Variants in PAQR8 observed in about 807,000 individuals in gnomAD.
PAQR8 encodes the protein membrane progestin receptor beta.
In PAQR8, 17 loss-of-function variants were observed where a neutral mutation model predicts 25.2. The ratio of observed to expected loss-of-function variants is 0.67; its 90% CI spans 0.46 to 1.01. PAQR8 has a LOEUF of 1.01. Ranked by LOEUF, PAQR8 falls within the 50% of genes least tolerant of loss-of-function variation. The pLI is 0.00. For missense variants in PAQR8, 392 were observed against 448.4 expected, an observed-to-expected ratio of 0.87 and a Z score of 1.14; for synonymous variants, 204 against 190.6, an observed-to-expected ratio of 1.07 and a Z score of -0.58.
chr6:52,377,802 A>G (rs894525522), intron 1 of PAQR8, among the ~76,000 whole-genome samples: 2 of 150,378 alleles, frequency 1.3e-5, no homozygotes, highest in Non-Finnish European at 1.5e-5. Context: ...TAGGCTTACC[A>G]TAGACACAGT....
At chr6:52,384,863 G>C (rs973724757) in intron 1 of PAQR8, among the ~76,000 whole-genome samples, 1 of 152,096 alleles carries the variant, frequency 6.6e-6, no homozygotes, top group Non-Finnish European at 1.5e-5. Flanking sequence ...AAAGCTGCAC[G>C]CCTACAATCA....
In PAQR8 at chr6:52,382,577, ATGTT is replaced by A. The variant is rs151180659; in HGVS notation, c.-53+20329_-53+20332del. Among the ~76,000 whole-genome samples, 481 of 152,080 alleles carry A rather than the reference ATGTT, an allele frequency of 3.2e-3. 19 individuals are homozygous for A. In the East Asian group the frequency reaches 0.082, roughly 26 times the overall value. On this transcript the variant is annotated intron_variant, in intron 1 of 1. Coordinates refer to ENST00000442253, the MANE Select transcript of PAQR8 (RefSeq NM_133367.5). Reference sequence around the variant, plus strand: ...CAAACGTAGATTAAATGAAAGAAGAATGTTAGGTACAAAATTTGTATCAAGGTTA... The same window carrying A: ...CAAACGTAGATTAAATGAAAGAAGAAAGGTACAAAATTTGTATCAAGGTTA...
intron 1 of PAQR8, among the ~76,000 whole-genome samples, chr6:52,370,226 G>A (rs1581788418): frequency 1.3e-5 from 2 of 152,092 alleles, no homozygotes; most frequent in Non-Finnish European, 1.5e-5. Flanking sequence ...TTAGATTTTT[G>A]TAGGTCTCAA....
intron 1 of PAQR8, among the ~76,000 whole-genome samples, chr6:52,366,836 A>G (rs957111108): frequency 2.0e-5 from 3 of 151,714 alleles, no homozygotes; most frequent in African/African-American, 7.3e-5. Flanking sequence ...TGCAACCTCC[A>G]TCTCCTGGGT....
intron 1 of PAQR8, among the ~76,000 whole-genome samples, chr6:52,380,774 T>C (rs1174137464): frequency 6.6e-6 from 1 of 152,232 alleles, no homozygotes; most frequent in Non-Finnish European, 1.5e-5. Context: ...TGATGGATCA[T>C]ATGGCATGGA....
intron 1 of PAQR8, among the ~76,000 whole-genome samples, chr6:52,367,803 G>A (rs760297887): frequency 3.9e-5 from 6 of 152,210 alleles, no homozygotes; most frequent in Non-Finnish European, 7.3e-5. Flanking sequence ...AGCCAGGCCA[G>A]GAAGCTCCTT....
At chr6:52,390,160 C>G (rs1176071033) in intron 1 of PAQR8, among the ~76,000 whole-genome samples, 1 of 152,216 alleles carries the variant, frequency 6.6e-6, no homozygotes, top group Non-Finnish European at 1.5e-5. Context: ...CCTCTGACTT[C>G]TCCCACTCGA....
intron 1 of PAQR8, among the ~76,000 whole-genome samples, chr6:52,399,569 G>A (rs965488308): frequency 6.6e-6 from 1 of 152,174 alleles, no homozygotes; most frequent in Admixed American, 6.5e-5. Flanking sequence ...TGCAGGAATC[G>A]TCTGATTGGT....
rs1581800861 is a variant in PAQR8 at position 52,406,281 on chromosome 6, TGGAA to T, written c.*2007_*2010del. ...GGATTCAAAGACTTATTTTGAAAGT[TGGAA>T]GGAGAAGGGAGGGAAGAGAGCAGAA... On this transcript the variant is annotated 3_prime_UTR_variant, in exon 2 of 2. Transcript: ENST00000442253. 4.9e-6 allele frequency: 2 copies of T among 405,246 alleles called. No homozygotes were observed. Among genetic ancestry groups the T allele is most frequent in the African/African-American group, 2.1e-5 (1 of 48,464 alleles). The allele number at this position is 405,246 out of a possible 1,614,324, so 25.1% of individuals were successfully genotyped here. A position where few individuals can be genotyped will look rare whatever the true frequency, so the allele number is the denominator to read the frequency against.
chr6:52,378,759 C>T (rs549835991), intron 1 of PAQR8, among the ~76,000 whole-genome samples: 1 of 150,844 alleles, frequency 6.6e-6, no homozygotes, highest in South Asian at 2.1e-4. Flanking sequence ...CCTCTGCACT[C>T]CAGCCTGGGC....
chr6:52,401,872 TATG>T (rs1285354623), intron 1 of PAQR8, among the ~76,000 whole-genome samples: 1 of 152,236 alleles, frequency 6.6e-6, no homozygotes, highest in Non-Finnish European at 1.5e-5. Context: ...TATACTTCAA[TATG>T]ATATTTCATG....
chr6:52,376,690 G>A (rs554837243), intron 1 of PAQR8, among the ~76,000 whole-genome samples: 8 of 152,244 alleles, frequency 5.3e-5, no homozygotes, highest in South Asian at 4.1e-4. Flanking sequence ...CTAGTGATGC[G>A]TATGTAAAAA....
chr6:52,372,058 G>A (rs943198949), intron 1 of PAQR8, among the ~76,000 whole-genome samples: 2 of 152,222 alleles, frequency 1.3e-5, no homozygotes, highest in African/African-American at 4.8e-5. Flanking sequence ...GGCTGGCTCT[G>A]AATTGATGTA....
At chr6:52,393,996 A>C (rs1485254358) in intron 1 of PAQR8, among the ~76,000 whole-genome samples, 1 of 152,200 alleles carries the variant, frequency 6.6e-6, no homozygotes, top group Non-Finnish European at 1.5e-5. Flanking sequence ...ACTGGAACAC[A>C]AAGTGTCAGA....
chr6:52,371,471 A>G (rs1471929516), intron 1 of PAQR8, among the ~76,000 whole-genome samples: 6 of 152,344 alleles, frequency 3.9e-5, no homozygotes, highest in East Asian at 3.9e-4. Context: ...CATGAATTGC[A>G]TAGGAGAGGA....
chr6:52,395,505 G>A (rs1204053143), intron 1 of PAQR8, among the ~76,000 whole-genome samples: 3 of 152,104 alleles, frequency 2.0e-5, no homozygotes, highest in East Asian at 3.9e-4. Flanking sequence ...TCCTCCATGG[G>A]CACTTCAAAC....
Position 52,406,176 on chromosome 6 carries a change from G to A in PAQR8, c.*1898G>A. 1 of 236,686 alleles carries A rather than the reference G, an allele frequency of 4.2e-6. No homozygotes were observed. Among genetic ancestry groups the A allele is most frequent in the East Asian group, 8.9e-5 (1 of 11,228 alleles). 14.7% of individuals were successfully genotyped at this position (236,686 alleles called of 1,614,324 possible). ...CTGGGTTGAACTGAACAAGAGGATG[G>A]GGGAATTGTGCAAATACGTTGTTAG... is the stretch of plus-strand genomic sequence containing the variant. On this transcript the variant is annotated 3_prime_UTR_variant, in exon 2 of 2. Transcript: ENST00000442253.
intron 1 of PAQR8, among the ~76,000 whole-genome samples, chr6:52,373,063 C>T (rs535610784): frequency 3.9e-5 from 6 of 152,342 alleles, no homozygotes; most frequent in Admixed American, 2.0e-4. Flanking sequence ...CCAGACCCCA[C>T]TGTTGTAGCT....
At chr6:52,382,587 C>T (rs1763573810) in intron 1 of PAQR8, among the ~76,000 whole-genome samples, 1 of 150,610 alleles carries the variant, frequency 6.6e-6, no homozygotes, top group African/African-American at 2.4e-5. Context: ...ATGTTAGGTA[C>T]AAAATTTGTA....
Sources: gnomAD v4.1 joint callset for allele counts (sites outside exome capture counted in the v4.1 genomes callset) on GRCh38, gnomAD v4.1.1 for gene constraint, MANE v1.5 for transcripts, NCBI Gene and HGNC (gene_info 2026-07-23, HGNC 2026-07-21) for gene names.